Variants in NELL1 observed in about 807,000 individuals in gnomAD.
NELL1 encodes the protein neural EGFL like 1, also known as protein kinase C-binding protein NELL1.
Under a neutral mutation model 107.4 loss-of-function variants are expected in NELL1, and 76 were observed. The observed-to-expected ratio is 0.71, with a 90% CI of 0.59 to 0.86. The LOEUF is 0.86. Ranked by LOEUF, NELL1 falls within the 40% of genes least tolerant of loss-of-function variation. The pLI, the probability that NELL1 is intolerant of heterozygous loss-of-function variation, is 0.00. For missense variants in NELL1, 1,024 were observed against 1,005.5 expected, an observed-to-expected ratio of 1.02 and a Z score of -0.25; for synonymous variants, 353 against 341.2, an observed-to-expected ratio of 1.03 and a Z score of -0.38.
intron 2 of NELL1, among the ~76,000 whole-genome samples, chr11:20,761,663 G>T (rs542618680): frequency 3.9e-5 from 6 of 152,302 alleles, no homozygotes; most frequent in South Asian, 2.1e-4. Flanking sequence ...GCGAAGGAAT[G>T]ACTTTAAAAT....
At chr11:21,291,684 A>G (rs1373202529) in intron 14 of NELL1, among the ~76,000 whole-genome samples, 1 of 152,230 alleles carries the variant, frequency 6.6e-6, no homozygotes, top group Non-Finnish European at 1.5e-5. Flanking sequence ...TCAGTAAAAT[A>G]CTGGCAAACC....
chr11:20,826,536 C>A (rs1019725700), intron 3 of NELL1, among the ~76,000 whole-genome samples: 2 of 151,288 alleles, frequency 1.3e-5, no homozygotes, highest in South Asian at 4.2e-4. Context: ...GGACAGCTGG[C>A]ATTCTCTGCC....
At chr11:21,372,984 A>T (rs1286821740) in intron 15 of NELL1, among the ~76,000 whole-genome samples, 2 of 152,086 alleles carry the variant, frequency 1.3e-5, no homozygotes, top group African/African-American at 4.8e-5. Context: ...CCAGGGAAAA[A>T]GTTAGACAGA....
intron 13 of NELL1, among the ~76,000 whole-genome samples, chr11:21,174,473 A>G (rs1489482893): frequency 1.3e-5 from 2 of 151,862 alleles, no homozygotes; most frequent in Non-Finnish European, 2.9e-5. Context: ...AAATAATCAG[A>G]TGGTCTAGCC....
rs868065133 is a variant in NELL1 at position 21,392,850 on chromosome 11, G to A, written c.1645+21902G>A. On this transcript the variant is annotated intron_variant, in intron 15 of 19. Transcript: ENST00000357134. Reference sequence around the variant, plus strand: ...CTGCAAAGATAGACATTTCCCCTTTGGAAGTAGAGTATTTATCTAATTTCA... The same window carrying A: ...CTGCAAAGATAGACATTTCCCCTTTAGAAGTAGAGTATTTATCTAATTTCA... Among the ~76,000 whole-genome samples, 7 of 151,720 alleles carry A rather than the reference G, an allele frequency of 4.6e-5. No individual in the cohort carries two copies. The South Asian group carries it at 1.5e-3, about 31-fold the overall frequency.
chr11:20,745,311 A>G (rs1418124236), intron 2 of NELL1, among the ~76,000 whole-genome samples: 1 of 152,226 alleles, frequency 6.6e-6, no homozygotes, highest in East Asian at 1.9e-4. Context: ...CCAAGTATGT[A>G]TCACCACACA....
At chr11:21,285,988 G>A (rs1224843479) in intron 14 of NELL1, among the ~76,000 whole-genome samples, 7 of 152,102 alleles carry the variant, frequency 4.6e-5, no homozygotes, top group Admixed American at 3.9e-4. Flanking sequence ...AGTAGGAAAG[G>A]CCTGTAGATA....
intron 14 of NELL1, among the ~76,000 whole-genome samples, chr11:21,367,729 CT>C (rs201875228): frequency 0.018 from 2,694 of 152,048 alleles, 89 homozygotes; most frequent in African/African-American, 0.061. Flanking sequence ...TCCTCAGCTG[CT>C]TTTTTTCTTG....
rs78065329 is a variant in NELL1, at chr11:21,575,157, G to T, written c.*135G>T. The T allele has an allele frequency of 0.017, 13,254 of 792,456 alleles. 313 individuals carry two copies. Among genetic ancestry groups the T allele is most frequent in the East Asian group, 0.086 (3,179 of 37,064 alleles). 49.1% of individuals were successfully genotyped at this position (792,456 alleles called of 1,614,324 possible). On this transcript the variant is annotated 3_prime_UTR_variant, in exon 20 of 20. Transcript: ENST00000357134. ...CAGATAATTGCCAAAGTTTCCACCT[G>T]AGGACGGTGTTTGGAGGTTGCCTTT...
intron 14 of NELL1, among the ~76,000 whole-genome samples, chr11:21,262,020 T>C (rs1195562621): frequency 2.6e-5 from 4 of 151,916 alleles, no homozygotes; most frequent in Admixed American, 2.6e-4. Context: ...ATTGTGCGTG[T>C]GCTATTGATA....
intron 15 of NELL1, among the ~76,000 whole-genome samples, chr11:21,466,362 G>T (rs912999802): frequency 6.6e-6 from 1 of 152,072 alleles, no homozygotes; most frequent in African/African-American, 2.4e-5. Flanking sequence ...CAAGGAAACA[G>T]CTACCAGCAC....
intron 14 of NELL1, among the ~76,000 whole-genome samples, chr11:21,262,222 C>T (rs1590783501): frequency 6.6e-6 from 1 of 151,736 alleles, no homozygotes; most frequent in African/African-American, 2.4e-5. Context: ...AATAAATCTC[C>T]CCCACAGTTT....
chr11:20,914,977 A>C (rs1337840627), intron 5 of NELL1, among the ~76,000 whole-genome samples: 1 of 152,046 alleles, frequency 6.6e-6, no homozygotes, highest in South Asian at 2.1e-4. Flanking sequence ...ACAGATCCTA[A>C]CTGTGCTCAA....
Position 20,892,212 on chromosome 11 carries a change from C to T in NELL1, c.603+6672C>T, listed in dbSNP as rs535098728. On this transcript the variant is annotated intron_variant, in intron 5 of 19. Transcript: ENST00000357134. The stretch of plus-strand genomic sequence containing the variant: ...AATTAGAACTCAGGATTAAGAAACT[C>T]GCTCAAAACCGCACAATTTCATGAA... Among the ~76,000 whole-genome samples, 22 of 152,274 alleles carry T rather than the reference C, an allele frequency of 1.4e-4. No homozygotes were observed. In the South Asian group the frequency reaches 3.1e-3, roughly 22 times the overall value.
rs543409716 is a variant in NELL1 at position 20,940,764 on chromosome 11, G to A, written c.1071+2905G>A. Among the ~76,000 whole-genome samples, 4 of 152,304 alleles carry A rather than the reference G, an allele frequency of 2.6e-5. No individual in the cohort carries two copies. In the East Asian group the frequency reaches 7.7e-4, roughly 29 times the overall value. On this transcript the variant is annotated intron_variant, in intron 10 of 19. Transcript: ENST00000357134. Reference sequence around the variant, plus strand: ...AATACAAGGGCATGAATACCAGGAGGCATGATTCATTAGGTAGACAGGCAT... The same window carrying A: ...AATACAAGGGCATGAATACCAGGAGACATGATTCATTAGGTAGACAGGCAT...
chr11:20,872,115 C>A (rs1039467920), intron 4 of NELL1, among the ~76,000 whole-genome samples: 4 of 151,014 alleles, frequency 2.6e-5, no homozygotes, highest in African/African-American at 9.7e-5. Flanking sequence ...AGCTCCCAGC[C>A]AAGCCTGACT....
intron 16 of NELL1, among the ~76,000 whole-genome samples, chr11:21,539,969 A>G (rs946110016): frequency 6.6e-6 from 1 of 151,900 alleles, no homozygotes; most frequent in Non-Finnish European, 1.5e-5. Flanking sequence ...GACATCACAC[A>G]TCCTGAAGAT....
chr11:20,889,856 C>T (rs1034487297), intron 5 of NELL1, among the ~76,000 whole-genome samples: 25 of 152,178 alleles, frequency 1.6e-4, no homozygotes, highest in African/African-American at 6.0e-4. Context: ...TTCGGATTTC[C>T]CTGGGCCTGA....
intron 9 of NELL1, among the ~76,000 whole-genome samples, chr11:20,931,538 C>G (rs972062690): frequency 6.6e-6 from 1 of 151,926 alleles, no homozygotes; most frequent in African/African-American, 2.4e-5. Flanking sequence ...ATGCTGTAGA[C>G]CGTAAATATG....
Sources: allele counts gnomAD v4.1 joint callset (sites outside exome capture counted in the v4.1 genomes callset), GRCh38; gene constraint gnomAD v4.1.1; transcripts MANE v1.5; gene names NCBI Gene and HGNC (gene_info 2026-07-23, HGNC 2026-07-21).